The following ITGA6 variants were observed in gnomAD, a reference collection of about 807,000 sequenced individuals.
ITGA6 encodes integrin alpha-6.
Under a neutral mutation model 133.6 loss-of-function variants are expected in ITGA6, and 63 were observed. The observed-to-expected ratio is 0.47, with a 90% CI of 0.38 to 0.58. The LOEUF (loss-of-function observed/expected upper bound fraction) is 0.58, where lower values mean the gene tolerates loss of function less well. Ranked by LOEUF, ITGA6 falls within the 20% of genes least tolerant of loss-of-function variation. The probability of loss-of-function intolerance (pLI) is 0.00; values close to 1 mark genes in which losing one functional copy is unlikely to be tolerated. For synonymous variants in ITGA6, 434 were observed against 482.0 expected (o/e 0.90, Z 1.30); for missense variants, 1,068 against 1,309.4 (o/e 0.82, Z 2.85).
intron 1 of ITGA6, among the ~76,000 whole-genome samples, chr2:172,463,694 C>G (rs1434577043): frequency 6.6e-6 from 1 of 152,172 alleles, no homozygotes; most frequent in African/African-American, 2.4e-5. Context: ...GAGGACTGGT[C>G]TCTCTCAGGG....
At chr2:172,447,528 A>G (rs1684816859) in intron 1 of ITGA6, among the ~76,000 whole-genome samples, 1 of 152,194 alleles carries the variant, frequency 6.6e-6, no homozygotes, top group Admixed American at 6.5e-5. Flanking sequence ...AAAATGAGCT[A>G]GTTATATATT....
intron 23 of ITGA6, among the ~76,000 whole-genome samples, chr2:172,494,683 A>G (rs929050299): frequency 2.6e-5 from 4 of 152,200 alleles, no homozygotes; most frequent in East Asian, 1.9e-4. Flanking sequence ...CCTGTGCTAA[A>G]TGTTAGAGAT....
chr2:172,465,842 T>C (rs1685645582), intron 2 of ITGA6, 179 bp downstream of exon 2: 4 of 896,134 alleles, frequency 4.5e-6, no homozygotes, highest in Admixed American at 2.1e-5. Flanking sequence ...TGAATCATAC[T>C]GGGATGCCGC....
intron 1 of ITGA6, among the ~76,000 whole-genome samples, chr2:172,463,453 T>C (rs1205235599): frequency 6.6e-6 from 1 of 152,222 alleles, no homozygotes; most frequent in African/African-American, 2.4e-5. Context: ...TCTTAACTTT[T>C]ATCAGCATAC....
chr2:172,467,521 G>C lies in ITGA6; in HGVS notation c.348G>C (p.Gly116=). ...AAAGCAAGGAAGATCAGTGGATGGG[G>C]GTCACCGTCCAGAGCCAAGGTCCAG... ...TSESKEDQWM[G]VTVQSQGPGG... The change falls in exon 3 of 26, where the codon GGG becomes GGC. Residue 116 remains glycine, a synonymous_variant. Coordinates refer to ENST00000684293, the MANE Select transcript of ITGA6 (RefSeq NM_000210.4). 6.2e-7 allele frequency: 1 copy of C among 1,613,780 alleles called. No individual in the cohort carries two copies. The highest frequency in any genetic ancestry group is 1.1e-5 in the South Asian group (1 of 91,068).
chr2:172,494,066 TTTTCTGTGA>T (rs1687029845), intron 23 of ITGA6, among the ~76,000 whole-genome samples: 1 of 152,230 alleles, frequency 6.6e-6, no homozygotes, highest in Non-Finnish European at 1.5e-5. Context: ...ACCTTTTCTG[TTTTCTGTGA>T]TTTCTGACAT....
At chr2:172,471,290 C>G (rs1402913894) in intron 5 of ITGA6, among the ~76,000 whole-genome samples, 185 bp downstream of exon 5, 1 of 152,166 alleles carries the variant, frequency 6.6e-6, no homozygotes, top group Admixed American at 6.5e-5. Flanking sequence ...TGCCTGGGAT[C>G]CTTTCCTTCT....
In ITGA6 at chr2:172,467,485, C is replaced by A. The variant is rs141735531; in HGVS notation, c.312C>A (p.Asp104Glu). ...TAACTATGCTCCTTTCTACAGCTGA[C>A]CCCACGTCAGAAAGCAAGGAAGATC... ...CTRIEFDNDA[D>E]PTSESKEDQW... Residue 104 changes from aspartate (D) to glutamate (E), a missense_variant, in exon 3 of 26, where the codon GAC (aspartate) becomes GAA (glutamate). This residue lies in a region of ITGA6 where 142 missense variants were observed against 145.3 expected (regional missense o/e 0.98). Transcript: ENST00000684293. 4.3e-6 allele frequency: 7 copies of A among 1,612,970 alleles called. No individual in the cohort carries two copies. In the Admixed American group the frequency reaches 1.2e-4, roughly 27 times the overall value.
In ITGA6 at chr2:172,438,269, G is replaced by C. The variant is rs61318391; in HGVS notation, c.182+10299G>C. 1.4e-4 allele frequency among the ~76,000 whole-genome samples: 22 copies of C among 151,856 alleles called. No homozygotes were observed. The East Asian group carries it at 1.9e-3, about 13-fold the overall frequency. The stretch of plus-strand genomic sequence containing the variant: ...TCACCAACTGAGTAGGTGAGAGGAC[G>C]TACCGTGGGGGAGGTGGCCTGATGA... On this transcript the variant is annotated intron_variant, in intron 1 of 25. Transcript: ENST00000684293.
chr2:172,434,568 G>T (rs1207543482), intron 1 of ITGA6, among the ~76,000 whole-genome samples: 2 of 152,090 alleles, frequency 1.3e-5, no homozygotes, highest in African/African-American at 4.8e-5. Flanking sequence ...TCCTAAATTG[G>T]CAGAAAGACT....
At chr2:172,465,506 C>T in intron 1 of ITGA6, 33 bp from the exon 2 acceptor site, 1 of 1,613,388 alleles carries the variant, frequency 6.2e-7, no homozygotes, top group Non-Finnish European at 8.5e-7. Context: ...ATATTAAATT[C>T]AAATCTCCAA....
At chr2:172,444,576 TC>T (rs1404221877) in intron 1 of ITGA6, among the ~76,000 whole-genome samples, 3 of 150,162 alleles carry the variant, frequency 2.0e-5, no homozygotes, top group African/African-American at 7.4e-5. Flanking sequence ...ATGCAAATAT[TC>T]CAAAATCCCC....
intron 1 of ITGA6, among the ~76,000 whole-genome samples, chr2:172,457,471 TAC>T (rs1685258632): frequency 6.6e-6 from 1 of 152,128 alleles, no homozygotes; most frequent in Non-Finnish European, 1.5e-5. Context: ...CAAAGAAACA[TAC>T]AGAGTTTGAT....
chr2:172,456,777 T>A (rs1419654144), intron 1 of ITGA6, among the ~76,000 whole-genome samples: 1 of 152,212 alleles, frequency 6.6e-6, no homozygotes, highest in Admixed American at 6.5e-5. Context: ...TTCTTTATAA[T>A]CCAAATACAA....
At chr2:172,479,094 CGTGAATGTCTACCGATTAG>C (rs1022508157) in intron 9 of ITGA6, among the ~76,000 whole-genome samples, 1 of 152,112 alleles carries the variant, frequency 6.6e-6, no homozygotes, top group Non-Finnish European at 1.5e-5. Context: ...AGCTCAACAA[CGTGAATGTCTACCGATTAG>C]GTACTGGTTA....
At chr2:172,442,606 C>T (rs555577305) in intron 1 of ITGA6, among the ~76,000 whole-genome samples, 34 of 152,312 alleles carry the variant, frequency 2.2e-4, no homozygotes, top group Admixed American at 5.2e-4. Flanking sequence ...GCTTATCTAC[C>T]TTTTCAGCTG....
At position 172,467,513 on chromosome 2, in the gene ITGA6, T is replaced by C. The variant is rs1685731150; in HGVS notation, c.340T>C (p.Trp114Arg). 6.2e-7 allele frequency: 1 copy of C among 1,613,854 alleles called. No homozygotes were observed. The highest frequency in any genetic ancestry group is 8.5e-7 in the Non-Finnish European group (1 of 1,179,826). The change falls in exon 3 of 26, where the codon TGG (tryptophan) becomes CGG (arginine). Residue 114 changes from tryptophan to arginine, a missense_variant. Trp to Arg is a moderately radical substitution (Grantham distance 101). This residue lies in a region of ITGA6 where 317 missense variants were observed against 456.9 expected (regional missense o/e 0.69). Coordinates refer to ENST00000684293, the MANE Select transcript of ITGA6 (RefSeq NM_000210.4). ...CACGTCAGAAAGCAAGGAAGATCAGTGGATGGGGGTCACCGTCCAGAGCCA... is the reference window on the plus strand; with the variant it reads ...CACGTCAGAAAGCAAGGAAGATCAGCGGATGGGGGTCACCGTCCAGAGCCA... The part of the protein sequence containing the change: ...DPTSESKEDQ[W>R]MGVTVQSQGP...
At chr2:172,431,599 CA>C (rs1684108082) in intron 1 of ITGA6, among the ~76,000 whole-genome samples, 2 of 152,202 alleles carry the variant, frequency 1.3e-5, no homozygotes, top group Admixed American at 6.5e-5. Flanking sequence ...AGCCAAGAAT[CA>C]GAGCTGTATT....
chr2:172,489,802 A>G (rs1325030513), intron 20 of ITGA6, 144 bp downstream of exon 20: 2 of 800,094 alleles, frequency 2.5e-6, no homozygotes, highest in Non-Finnish European at 4.0e-6. Flanking sequence ...TCTCTTTTCT[A>G]GTTGGGTAAC....
Sources: gnomAD v4.1 joint callset for allele counts (sites outside exome capture counted in the v4.1 genomes callset) on GRCh38, gnomAD v4.1.1 for gene constraint, gnomAD v4.1.1 regional missense constraint, MANE v1.5 for transcripts, NCBI Gene and HGNC (gene_info 2026-07-23, HGNC 2026-07-21) for gene names.